The following ADCY2 variants were observed in gnomAD, a reference collection of about 807,000 sequenced individuals.
The protein encoded by ADCY2 is adenylate cyclase type 2.
A neutral mutation model predicts 125.2 loss-of-function variants in ADCY2; 31 were observed. That is an observed-to-expected ratio of 0.25 (90% CI 0.19 to 0.33). The LOEUF is 0.33. Among genes scored for constraint, ADCY2 ranks in the 10% least tolerant of loss-of-function variants. The pLI, the probability that ADCY2 is intolerant of heterozygous loss-of-function variation, is 1.00. For missense variants in ADCY2, 904 were observed against 1,418.2 expected (o/e 0.64, Z 5.82); for synonymous variants, 512 against 548.4 (o/e 0.93, Z 0.93).
At chr5:7,515,712 A>T (rs992650189) in intron 2 of ADCY2, among the ~76,000 whole-genome samples, 2 of 152,186 alleles carry the variant, frequency 1.3e-5, no homozygotes, top group East Asian at 3.8e-4. Flanking sequence ...ATTAGGATGT[A>T]TAATAGTCTT....
intron 18 of ADCY2, 109 bp from the exon 19 acceptor site, chr5:7,784,256 T>C (rs1369930052): frequency 2.5e-6 from 2 of 793,760 alleles, no homozygotes; most frequent in African/African-American, 3.5e-5. Context: ...TGGTATATGA[T>C]GTAGACAGGC....
intron 3 of ADCY2, among the ~76,000 whole-genome samples, chr5:7,587,054 T>C (rs1736651992): frequency 6.6e-6 from 1 of 152,126 alleles, no homozygotes; most frequent in African/African-American, 2.4e-5. Flanking sequence ...GGTGAACAGT[T>C]TGAGGCTCAG....
chr5:7,644,347 C>A (rs1738821508), intron 4 of ADCY2, among the ~76,000 whole-genome samples: 1 of 152,096 alleles, frequency 6.6e-6, no homozygotes, highest in African/African-American at 2.4e-5. Context: ...ATTCTTGAGG[C>A]ATCACCTGGT....
intron 2 of ADCY2, among the ~76,000 whole-genome samples, chr5:7,485,060 A>G (rs1442861872): frequency 2.0e-5 from 3 of 152,154 alleles, no homozygotes; most frequent in Non-Finnish European, 1.5e-5. Context: ...GCGAAACTAC[A>G]CTTAAGGTCA....
chr5:7,446,765 G>T (rs1741272874), intron 2 of ADCY2, among the ~76,000 whole-genome samples: 1 of 152,186 alleles, frequency 6.6e-6, no homozygotes, highest in Non-Finnish European at 1.5e-5. Flanking sequence ...TAGATACATA[G>T]TCTTGCCATG....
intron 24 of ADCY2, among the ~76,000 whole-genome samples, chr5:7,821,413 AG>A (rs1745295089): frequency 6.6e-6 from 1 of 152,244 alleles, no homozygotes; most frequent in Non-Finnish European, 1.5e-5. Context: ...ACAAAAGAGC[AG>A]TGGTTCTGCC....
At chr5:7,462,209 T>C (rs1741941530) in intron 2 of ADCY2, among the ~76,000 whole-genome samples, 1 of 152,230 alleles carries the variant, frequency 6.6e-6, no homozygotes, top group African/African-American at 2.4e-5. Context: ...ACCCAAACAC[T>C]GTCTCTTAGT....
intron 4 of ADCY2, among the ~76,000 whole-genome samples, chr5:7,677,463 G>C (rs532374181): frequency 6.6e-6 from 1 of 152,152 alleles, no homozygotes; most frequent in Admixed American, 6.5e-5. Flanking sequence ...ACAGGAAATA[G>C]GGTAGTGACT....
Position 7,826,981 on chromosome 5 carries a change from G to T in ADCY2, c.*110G>T. 7.4e-7 allele frequency: 1 copy of T among 1,356,254 alleles called. No individual in the cohort carries two copies. Among genetic ancestry groups the T allele is most frequent in the Non-Finnish European group, 1.0e-6 (1 of 997,770 alleles). 84.0% of individuals were successfully genotyped at this position (1,356,254 alleles called of 1,614,324 possible). ...TGATGTGCGTGCTGTCTGTCCTATG[G>T]AGCCTCTGCAGACTCGTTCTCGTGA... On this transcript the variant is annotated 3_prime_UTR_variant, in exon 25 of 25. Coordinates refer to ENST00000338316, the MANE Select transcript of ADCY2 (RefSeq NM_020546.3).
At chr5:7,825,158 T>C (rs326167) in intron 24 of ADCY2, among the ~76,000 whole-genome samples, 10,564 of 144,622 alleles carry the variant, frequency 0.073, 784 homozygotes, top group African/African-American at 0.2. Flanking sequence ...CGCTGCTGTG[T>C]GCCACGACAA....
At chr5:7,445,496 C>A (rs1741210057) in intron 2 of ADCY2, among the ~76,000 whole-genome samples, 3 of 152,172 alleles carry the variant, frequency 2.0e-5, no homozygotes, top group African/African-American at 7.2e-5. Context: ...TTATAATGGA[C>A]TTCCTACCCT....
At chr5:7,424,867 C>T (rs1740330734) in intron 2 of ADCY2, among the ~76,000 whole-genome samples, 1 of 152,146 alleles carries the variant, frequency 6.6e-6, no homozygotes, top group Non-Finnish European at 1.5e-5. Flanking sequence ...TATAATTGTA[C>T]CTCTTTGTGC....
rs566619912 is a variant in ADCY2 at position 7,783,687 on chromosome 5, G to T, written c.2385-678G>T. 3.3e-5 allele frequency among the ~76,000 whole-genome samples: 5 copies of T among 152,128 alleles called. No homozygotes were observed. In the East Asian group the frequency reaches 7.7e-4, roughly 23 times the overall value. On this transcript the variant is annotated intron_variant, in intron 18 of 24. Transcript: ENST00000338316. The stretch of plus-strand genomic sequence containing the variant: ...TTAGTTACAGTCCTATGTAATGTTC[G>T]CATGTCAGCATTTGAAGGATGTGTG...
chr5:7,800,986 A>G (rs1238619335), intron 20 of ADCY2: 1 of 152,228 alleles, frequency 6.6e-6, no homozygotes, highest in Non-Finnish European at 1.5e-5. Context: ...TTCGTTGTTC[A>G]TGTACTTTGT....
At chr5:7,824,053 G>A (rs993604323) in intron 24 of ADCY2, among the ~76,000 whole-genome samples, 1 of 152,176 alleles carries the variant, frequency 6.6e-6, no homozygotes, top group African/African-American at 2.4e-5. Flanking sequence ...TTTTAATCCC[G>A]AAGGTGTGGC....
In ADCY2 at chr5:7,826,517, C is replaced by G. The variant is rs1745482462; in HGVS notation, c.3124-202C>G. The G allele has an allele frequency of 4.2e-6, 3 of 706,486 alleles. No homozygotes were observed. The East Asian group carries it at 8.4e-5, about 20-fold the overall frequency. The allele number at this position is 706,486 out of a possible 1,614,324, so 43.8% of individuals were successfully genotyped here. On this transcript the variant is annotated intron_variant, in intron 24 of 24. Coordinates refer to ENST00000338316, the MANE Select transcript of ADCY2 (RefSeq NM_020546.3). ...ATTTTAGGTTGTTTCCAGTTTTTCACTATCCCAGCGCTGAATTAAACAACA... is the reference window on the plus strand; with the variant it reads ...ATTTTAGGTTGTTTCCAGTTTTTCAGTATCCCAGCGCTGAATTAAACAACA...
At chr5:7,711,717 T>C (rs1430128686) in intron 10 of ADCY2, among the ~76,000 whole-genome samples, 1 of 152,300 alleles carries the variant, frequency 6.6e-6, no homozygotes. Context: ...GTGCCTCAAC[T>C]TCAGAAATTT....
At chr5:7,652,155 G>A (rs1739118900) in intron 4 of ADCY2, among the ~76,000 whole-genome samples, 1 of 152,134 alleles carries the variant, frequency 6.6e-6, no homozygotes, top group Non-Finnish European at 1.5e-5. Flanking sequence ...CCCTGAGCAG[G>A]AGATATGTCA....
At chr5:7,626,806 C>G (rs1340677878) in intron 4 of ADCY2, among the ~76,000 whole-genome samples, 1 of 152,124 alleles carries the variant, frequency 6.6e-6, no homozygotes, top group African/African-American at 2.4e-5. Flanking sequence ...ACAAACACCT[C>G]CCACCAGGCC....
Sources: gnomAD v4.1 joint callset for allele counts (sites outside exome capture counted in the v4.1 genomes callset) on GRCh38, gnomAD v4.1.1 for gene constraint, MANE v1.5 for transcripts, NCBI Gene and HGNC (gene_info 2026-07-23, HGNC 2026-07-21) for gene names.